The following PRKN variants were observed in gnomAD, a reference collection of about 807,000 sequenced individuals.
PRKN encodes parkin RBR E3 ubiquitin protein ligase.
A neutral mutation model predicts 59.5 loss-of-function variants in PRKN; 56 were observed. That is an observed-to-expected ratio of 0.94 (90% CI 0.76 to 1.18). PRKN has a LOEUF of 1.18. PRKN is among the 50% of genes most tolerant of loss of function. The pLI is 0.00. For synonymous variants in PRKN, 250 were observed against 222.1 expected (o/e 1.13, Z -1.12); for missense variants, 657 against 596.4 (o/e 1.10, Z -1.06).
chr6:162,670,812 T>C (rs1234998733), intron 1 of PRKN, among the ~76,000 whole-genome samples: 1 of 152,190 alleles, frequency 6.6e-6, no homozygotes, highest in African/African-American at 2.4e-5. Flanking sequence ...AATCATCAGA[T>C]CACTGAAGCA....
At chr6:162,025,541 G>A (rs77852088) in intron 5 of PRKN, among the ~76,000 whole-genome samples, 2,412 of 133,456 alleles carry the variant, frequency 0.018, 74 homozygotes, top group African/African-American at 0.066. Flanking sequence ...AGGAAACCTT[G>A]TCAGTGAATT....
chr6:162,324,209 G>A (rs1334578818), intron 2 of PRKN, among the ~76,000 whole-genome samples: 1 of 152,100 alleles, frequency 6.6e-6, no homozygotes, highest in Admixed American at 6.6e-5. Context: ...ATTATTCCAT[G>A]TAAGTACATT....
chr6:162,396,577 C>T (rs1381281293), intron 2 of PRKN, among the ~76,000 whole-genome samples: 4 of 152,084 alleles, frequency 2.6e-5, no homozygotes, highest in Admixed American at 2.0e-4. Context: ...GCCTGGAGCC[C>T]GAGGTCCCAC....
intron 1 of PRKN, among the ~76,000 whole-genome samples, chr6:162,535,543 G>A (rs897121469): frequency 2.6e-5 from 4 of 151,862 alleles, no homozygotes; most frequent in Non-Finnish European, 4.4e-5. Context: ...TGACTGTTTT[G>A]TATTTATCCC....
chr6:161,569,727 C>T (rs1450630036), intron 7 of PRKN, among the ~76,000 whole-genome samples: 1 of 152,194 alleles, frequency 6.6e-6, no homozygotes, highest in East Asian at 1.9e-4. Flanking sequence ...ACATGTTCAG[C>T]ATGTCACTGG....
At chr6:161,725,007 T>C (rs1453505258) in intron 7 of PRKN, among the ~76,000 whole-genome samples, 1 of 152,178 alleles carries the variant, frequency 6.6e-6, no homozygotes, top group African/African-American at 2.4e-5. Flanking sequence ...GTCTTGCTCT[T>C]GCTCTCCCAT....
intron 2 of PRKN, among the ~76,000 whole-genome samples, chr6:162,275,917 G>T (rs73598137): frequency 6.6e-6 from 1 of 152,170 alleles, no homozygotes; most frequent in Admixed American, 6.5e-5. Flanking sequence ...TGGCAGAGGC[G>T]CAAGAGTCTT....
chr6:161,349,990 G>A lies in PRKN; in HGVS notation c.*109C>T. On this transcript the variant is annotated 3_prime_UTR_variant, in exon 12 of 12. Coordinates refer to ENST00000366898, the MANE Select transcript of PRKN (RefSeq NM_004562.3). The surrounding 1 kb of genome is among the most constrained non-coding windows in gnomAD (Gnocchi z 5.5). ...TTTGAAAAAAACTTGAAGAGTGTGTGTGCGCGCGCGCGCGTGTGTGTGTGT... is the reference window on the plus strand; with the variant it reads ...TTTGAAAAAAACTTGAAGAGTGTGTATGCGCGCGCGCGCGTGTGTGTGTGT... 1.3e-6 allele frequency: 1 copy of A among 775,118 alleles called. No homozygotes were observed. The highest frequency in any genetic ancestry group is 2.2e-6 in the Non-Finnish European group (1 of 450,058). 48.0% of individuals were successfully genotyped at this position (775,118 alleles called of 1,614,324 possible). A position where few individuals can be genotyped will look rare whatever the true frequency, so the allele number is the denominator to read the frequency against.
chr6:162,367,654 T>C (rs1251784860), intron 2 of PRKN, among the ~76,000 whole-genome samples: 3 of 152,100 alleles, frequency 2.0e-5, no homozygotes, highest in Non-Finnish European at 2.9e-5. Flanking sequence ...TACAGGCAGG[T>C]TGTGTGTACT....
rs528004330 is a variant in PRKN, at chr6:162,365,134, C to G, written c.171+78176G>C. 2.8e-4 allele frequency among the ~76,000 whole-genome samples: 43 copies of G among 151,472 alleles called. No homozygotes were observed. The South Asian group carries it at 8.4e-3, about 29-fold the overall frequency. On this transcript the variant is annotated intron_variant, in intron 2 of 11. Transcript: ENST00000366898. ...ATATTTTATCAATAATAAAATAAAT[C>G]CATAATTTAAAAAAATCACACAAAA...
At chr6:162,296,282 C>T (rs961791684) in intron 2 of PRKN, among the ~76,000 whole-genome samples, 7 of 146,712 alleles carry the variant, frequency 4.8e-5, no homozygotes, top group African/African-American at 1.8e-4. Flanking sequence ...CCTATCTGCG[C>T]TGCCTCCCAG....
At chr6:161,688,665 C>T (rs1350353033) in intron 7 of PRKN, among the ~76,000 whole-genome samples, 3 of 152,176 alleles carry the variant, frequency 2.0e-5, no homozygotes, top group Non-Finnish European at 4.4e-5. Flanking sequence ...CACACCTACA[C>T]TCAAGGAATT....
chr6:162,607,870 A>G (rs1781988788), intron 1 of PRKN, among the ~76,000 whole-genome samples: 1 of 152,150 alleles, frequency 6.6e-6, no homozygotes, highest in Non-Finnish European at 1.5e-5. Flanking sequence ...AGAGAAGGGA[A>G]GAGGTATGAA....
At chr6:162,079,180 G>C (rs1778957000) in intron 4 of PRKN, among the ~76,000 whole-genome samples, 1 of 152,072 alleles carries the variant, frequency 6.6e-6, no homozygotes, top group Non-Finnish European at 1.5e-5. Flanking sequence ...ATGAGAACAA[G>C]GTCAAGTGGA....
At chr6:161,813,120 A>G (rs1276755466) in intron 6 of PRKN, among the ~76,000 whole-genome samples, 1 of 152,232 alleles carries the variant, frequency 6.6e-6, no homozygotes, top group Non-Finnish European at 1.5e-5. Flanking sequence ...CGTAGCAGGA[A>G]GACCAGATGC....
intron 1 of PRKN, among the ~76,000 whole-genome samples, chr6:162,489,192 TAAAC>T (rs1299644286): frequency 6.6e-6 from 1 of 152,178 alleles, no homozygotes; most frequent in Non-Finnish European, 1.5e-5. Flanking sequence ...GTATAAACCT[TAAAC>T]AAAGTTCAAA....
intron 7 of PRKN, among the ~76,000 whole-genome samples, chr6:161,716,411 G>A (rs979388063): frequency 2.6e-5 from 4 of 152,050 alleles, no homozygotes; most frequent in Non-Finnish European, 4.4e-5. Flanking sequence ...TTCCTTATGC[G>A]TGGGTGGCAA....
intron 6 of PRKN, among the ~76,000 whole-genome samples, chr6:161,938,171 A>G (rs1779423981): frequency 6.6e-6 from 1 of 152,194 alleles, no homozygotes; most frequent in Admixed American, 6.5e-5. Flanking sequence ...TTAAGGAACA[A>G]CTGTTGATTT....
At chr6:161,524,380 C>G (rs1778944251) in intron 9 of PRKN, among the ~76,000 whole-genome samples, 1 of 152,124 alleles carries the variant, frequency 6.6e-6, no homozygotes, top group Non-Finnish European at 1.5e-5. Flanking sequence ...GGGTCTCACT[C>G]TGTTGCCCAG....
Sources: allele counts gnomAD v4.1 joint callset (sites outside exome capture counted in the v4.1 genomes callset), GRCh38; gene constraint gnomAD v4.1.1; non-coding constraint Gnocchi (gnomAD v3.1); transcripts MANE v1.5; gene names NCBI Gene and HGNC (gene_info 2026-07-23, HGNC 2026-07-21).